Variants in NMNAT2 observed in about 807,000 individuals in gnomAD.
NMNAT2 encodes nicotinamide/nicotinic acid mononucleotide adenylyltransferase 2.
Under a neutral mutation model 41.6 loss-of-function variants are expected in NMNAT2, and 11 were observed. The ratio of observed to expected loss-of-function variants is 0.26; its 90% CI spans 0.17 to 0.44. The LOEUF (loss-of-function observed/expected upper bound fraction) is 0.44, where lower values mean the gene tolerates loss of function less well. NMNAT2 is among the 20% of genes least tolerant of loss of function. NMNAT2 has a pLI of 1.00. For missense variants in NMNAT2, 288 were observed against 407.7 expected, an observed-to-expected ratio of 0.71 and a Z score of 2.53; for synonymous variants, 148 against 151.2, an observed-to-expected ratio of 0.98 and a Z score of 0.16.
chr1:183,303,215 C>G (rs1047258027), intron 1 of NMNAT2, among the ~76,000 whole-genome samples: 1 of 152,100 alleles, frequency 6.6e-6, no homozygotes. Flanking sequence ...CAGCCTGGAG[C>G]AACTTTGCAA....
At chr1:183,351,034 A>T (rs1172594815) in intron 1 of NMNAT2, among the ~76,000 whole-genome samples, 1 of 152,190 alleles carries the variant, frequency 6.6e-6, no homozygotes, top group Non-Finnish European at 1.5e-5. Context: ...ACTGTGTCCC[A>T]TCACCGTTAT....
At chr1:183,377,235 C>T (rs746388587) in intron 1 of NMNAT2, among the ~76,000 whole-genome samples, 1 of 151,976 alleles carries the variant, frequency 6.6e-6, no homozygotes, top group Non-Finnish European at 1.5e-5. Flanking sequence ...CTGAGAGAGC[C>T]ACAACCCTGA....
At chr1:183,397,601 A>G (rs905253849) in intron 1 of NMNAT2, among the ~76,000 whole-genome samples, 1 of 152,190 alleles carries the variant, frequency 6.6e-6, no homozygotes, top group East Asian at 1.9e-4. Flanking sequence ...CCCAAGACAC[A>G]TAATTGTCAA....
chr1:183,258,014 G>A (rs1254961146), intron 10 of NMNAT2, among the ~76,000 whole-genome samples: 4 of 152,046 alleles, frequency 2.6e-5, no homozygotes, highest in Non-Finnish European at 5.9e-5. Context: ...ACTATCCTTA[G>A]TTTATCCTTT....
rs988754094 is a variant in NMNAT2, at chr1:183,354,406, T to C, written c.86-60613A>G. Among the ~76,000 whole-genome samples the C allele has an allele frequency of 2.2e-5, 3 of 137,678 alleles. No homozygotes were observed. In the East Asian group the frequency reaches 7.1e-4, roughly 32 times the overall value. 90.3% of individuals were successfully genotyped at this position (137,678 alleles called of 152,430 possible). A position where few individuals can be genotyped will look rare whatever the true frequency, so the allele number is the denominator to read the frequency against. On this transcript the variant is annotated intron_variant, in intron 1 of 10. Transcript: ENST00000287713. ...CTTACTTGCCTGTGACCATCTTTAA[T>C]GTCTTTTTTTTTTTTTTTTTTTTTT... is the stretch of plus-strand genomic sequence containing the variant.
At chr1:183,325,423 T>C (rs1249221929) in intron 1 of NMNAT2, among the ~76,000 whole-genome samples, 1 of 152,256 alleles carries the variant, frequency 6.6e-6, no homozygotes, top group Non-Finnish European at 1.5e-5. Context: ...TACATTTATC[T>C]GCATGAAAAG....
intron 1 of NMNAT2, among the ~76,000 whole-genome samples, chr1:183,408,517 A>C (rs947515044): frequency 6.6e-6 from 1 of 152,136 alleles, no homozygotes; most frequent in Non-Finnish European, 1.5e-5. Flanking sequence ...TAGTTTGCCG[A>C]CCTCTGAGTT....
At chr1:183,309,806 C>T (rs1221637368) in intron 1 of NMNAT2, among the ~76,000 whole-genome samples, 1 of 152,168 alleles carries the variant, frequency 6.6e-6, no homozygotes, top group Non-Finnish European at 1.5e-5. Flanking sequence ...GGATAAGGTC[C>T]CACAGCCTCA....
intron 1 of NMNAT2, among the ~76,000 whole-genome samples, chr1:183,370,540 C>T (rs1243012821): frequency 6.6e-6 from 1 of 152,118 alleles, no homozygotes; most frequent in Admixed American, 6.6e-5. Context: ...TCCACTTCAC[C>T]ATAGAAGGAA....
intron 1 of NMNAT2, among the ~76,000 whole-genome samples, chr1:183,371,462 A>C (rs1356992129): frequency 6.6e-6 from 1 of 152,170 alleles, no homozygotes; most frequent in Non-Finnish European, 1.5e-5. Flanking sequence ...GGTGTAAACC[A>C]TGGCCTCTGA....
At chr1:183,398,022 C>A (rs1173070895) in intron 1 of NMNAT2, among the ~76,000 whole-genome samples, 1 of 152,166 alleles carries the variant, frequency 6.6e-6, no homozygotes, top group Non-Finnish European at 1.5e-5. Flanking sequence ...AAATAACCAG[C>A]TAACATCATA....
chr1:183,368,324 A>T (rs1663457228), intron 1 of NMNAT2, among the ~76,000 whole-genome samples: 1 of 152,158 alleles, frequency 6.6e-6, no homozygotes, highest in South Asian at 2.1e-4. Flanking sequence ...TAAGGGCAAC[A>T]TCATGGCTGC....
At chr1:183,285,850 G>A (rs530474974) in intron 5 of NMNAT2, among the ~76,000 whole-genome samples, 1 of 152,198 alleles carries the variant, frequency 6.6e-6, no homozygotes, top group South Asian at 2.1e-4. Flanking sequence ...GCATCATTTG[G>A]GCACATAGTC....
At chr1:183,394,178 C>T (rs1648566124) in intron 1 of NMNAT2, among the ~76,000 whole-genome samples, 2 of 152,198 alleles carry the variant, frequency 1.3e-5, no homozygotes, top group Non-Finnish European at 2.9e-5. Flanking sequence ...AGTGCCTCTA[C>T]TTGCTGGCTG....
intron 1 of NMNAT2, among the ~76,000 whole-genome samples, chr1:183,397,242 T>C (rs1648674816): frequency 6.6e-6 from 1 of 152,156 alleles, no homozygotes; most frequent in Non-Finnish European, 1.5e-5. Context: ...AGGGTCGAGG[T>C]TCTGCTGGTG....
intron 1 of NMNAT2, among the ~76,000 whole-genome samples, chr1:183,380,065 G>A (rs886218727): frequency 6.6e-6 from 1 of 152,194 alleles, no homozygotes; most frequent in Non-Finnish European, 1.5e-5. Flanking sequence ...GTTTACCATA[G>A]GGTTATTGTT....
At chr1:183,264,959 C>T (rs1179971042) in intron 8 of NMNAT2, among the ~76,000 whole-genome samples, 2 of 152,100 alleles carry the variant, frequency 1.3e-5, no homozygotes, top group East Asian at 1.9e-4. Flanking sequence ...AGTCCCTGGA[C>T]GTTTTTTCTT....
chr1:183,370,961 A>G (rs1416189877), intron 1 of NMNAT2, among the ~76,000 whole-genome samples: 1 of 152,168 alleles, frequency 6.6e-6, no homozygotes, highest in African/African-American at 2.4e-5. Flanking sequence ...CCAATGAGTG[A>G]GTGAGTAAAT....
At chr1:183,409,081 A>G (rs1018397077) in intron 1 of NMNAT2, among the ~76,000 whole-genome samples, 1 of 152,196 alleles carries the variant, frequency 6.6e-6, no homozygotes, top group Non-Finnish European at 1.5e-5. Context: ...ATTGGTGGGC[A>G]CGGTGGCTCA....
Sources: gnomAD v4.1 joint callset for allele counts (sites outside exome capture counted in the v4.1 genomes callset) on GRCh38, gnomAD v4.1.1 for gene constraint, MANE v1.5 for transcripts, NCBI Gene and HGNC (gene_info 2026-07-23, HGNC 2026-07-21) for gene names.